VPS36: variants seen among roughly 807,000 people sequenced by gnomAD.
The protein encoded by VPS36 is vacuolar protein-sorting-associated protein 36.
Under a neutral mutation model 63.5 loss-of-function variants are expected in VPS36, and 31 were observed. That is an observed-to-expected ratio of 0.49 (90% CI 0.37 to 0.66). VPS36 has a LOEUF of 0.66. Ranked by LOEUF, VPS36 falls within the 30% of genes least tolerant of loss-of-function variation. The probability of loss-of-function intolerance (pLI) is 0.00; values close to 1 mark genes in which losing one functional copy is unlikely to be tolerated. For missense variants in VPS36, 338 were observed against 463.7 expected (o/e 0.73, Z 2.49); for synonymous variants, 138 against 157.2 (o/e 0.88, Z 0.91).
intron 6 of VPS36, among the ~76,000 whole-genome samples, chr13:52,432,293 G>A (rs1472363410): frequency 4.6e-5 from 7 of 152,084 alleles, no homozygotes; most frequent in Non-Finnish European, 7.4e-5. Flanking sequence ...AGAGCTTGCA[G>A]TGAGCCAGGA....
intron 1 of VPS36, among the ~76,000 whole-genome samples, chr13:52,447,947 C>T (rs916628872): frequency 6.6e-6 from 1 of 152,250 alleles, no homozygotes; most frequent in South Asian, 2.1e-4. Flanking sequence ...GTCACTGTAT[C>T]TCTTGGCGTT....
chr13:52,434,917 G>C (rs779459855), intron 4 of VPS36, 35 bp from the exon 5 acceptor site: 1 of 1,528,960 alleles, frequency 6.5e-7, no homozygotes, highest in South Asian at 1.2e-5. Flanking sequence ...AAATGACTCA[G>C]TCAGATTGTA....
At chr13:52,430,764 T>C (rs1678983626) in intron 6 of VPS36, among the ~76,000 whole-genome samples, 1 of 152,078 alleles carries the variant, frequency 6.6e-6, no homozygotes, top group Non-Finnish European at 1.5e-5. Context: ...AGACACATTC[T>C]AGTAAAATTA....
intron 5 of VPS36, 32 bp from the exon 6 acceptor site, chr13:52,433,780 T>C: frequency 2.6e-6 from 4 of 1,566,296 alleles, no homozygotes; most frequent in East Asian, 2.2e-5. Flanking sequence ...AAATAAAACA[T>C]ACAAAATAGG....
intron 1 of VPS36, among the ~76,000 whole-genome samples, chr13:52,444,836 A>AT (rs1356758038): frequency 6.6e-6 from 1 of 152,072 alleles, no homozygotes; most frequent in Non-Finnish European, 1.5e-5. Flanking sequence ...TGTCTAATAA[A>AT]TAAAAAAATC....
intron 3 of VPS36, 33 bp from the exon 4 acceptor site, chr13:52,436,437 G>A: frequency 7.1e-7 from 1 of 1,410,462 alleles, no homozygotes; most frequent in Non-Finnish European, 9.8e-7. Context: ...ATATTGAATT[G>A]TCTTTCAAAA....
Position 52,427,735 on chromosome 13 carries a change from T to G in VPS36, c.529-516A>C, listed in dbSNP as rs183595924. On this transcript the variant is annotated intron_variant, in intron 6 of 13. Coordinates refer to ENST00000378060, the MANE Select transcript of VPS36 (RefSeq NM_016075.4). Reference sequence around the variant, plus strand: ...AAAACCATACATTTTCCAAACAAACTGCAAAAGAACTTCACATTTTCAAAG... The same window carrying G: ...AAAACCATACATTTTCCAAACAAACGGCAAAAGAACTTCACATTTTCAAAG... Among the ~76,000 whole-genome samples, 885 of 152,226 alleles carry G rather than the reference T, an allele frequency of 5.8e-3. 11 individuals carry two copies. Among genetic ancestry groups the G allele is most frequent in the African/African-American group, 0.02 (845 of 41,552 alleles).
chr13:52,448,282 T>A (rs1436693112), intron 1 of VPS36, among the ~76,000 whole-genome samples: 1 of 152,172 alleles, frequency 6.6e-6, no homozygotes, highest in South Asian at 2.1e-4. Context: ...TTTCACCAGA[T>A]TTGGGGGCTA....
chr13:52,441,553 C>A (rs1043947194), intron 2 of VPS36, among the ~76,000 whole-genome samples: 2 of 152,132 alleles, frequency 1.3e-5, no homozygotes, highest in Non-Finnish European at 2.9e-5. Flanking sequence ...GAGTTAGAGA[C>A]CAGCCTGAAC....
At chr13:52,441,791 A>G (rs556545082) in intron 2 of VPS36, among the ~76,000 whole-genome samples, 1 of 152,142 alleles carries the variant, frequency 6.6e-6, no homozygotes, top group Non-Finnish European at 1.5e-5. Flanking sequence ...CCTCTTGCTG[A>G]GTGACTTAGA....
At position 52,426,063 on chromosome 13, in the gene VPS36, T is replaced by C; in HGVS notation, c.643A>G (p.Ile215Val). 1.2e-6 allele frequency: 2 copies of C among 1,607,772 alleles called. No individual in the cohort carries two copies. The highest frequency in any genetic ancestry group is 1.7e-6 in the Non-Finnish European group (2 of 1,178,514). The change falls in exon 9 of 14, where the codon ATC (isoleucine) becomes GTC (valine). Residue 215 changes from isoleucine to valine, a missense_variant. Ile to Val is a conservative substitution (Grantham distance 29, BLOSUM62 3). Coordinates refer to ENST00000378060, the MANE Select transcript of VPS36 (RefSeq NM_016075.4). The stretch of plus-strand genomic sequence containing the variant: ...CTCAGCAAGTAGGATTTAAACCTGA[T>C]GGTCTATAATAAAAAAGGAGAAAAT... ...KQGDITEDET[I>V]RFKSYLLSMG... is the part of the protein sequence containing the mutation.
Position 52,425,955 on chromosome 13 carries a change from C to T in VPS36, c.751G>A (p.Gly251Arg). The T allele has an allele frequency of 6.2e-7, 1 of 1,613,336 alleles. No homozygotes were observed. Among genetic ancestry groups the T allele is most frequent in the Non-Finnish European group, 8.5e-7 (1 of 1,179,676 alleles). ...YHMQLAKQLA[G>R]ILQVPLEERG... is the part of the protein sequence containing the mutation. ...ACCTCTAAAGGCACCTGCAATATTCCAGCCAGTTGTTTGGCCAGCTGCATG... is the reference window on the plus strand; with the variant it reads ...ACCTCTAAAGGCACCTGCAATATTCTAGCCAGTTGTTTGGCCAGCTGCATG... Residue 251 changes from glycine to arginine, a missense_variant, in exon 9 of 14, where the codon GGA becomes AGA. Gly to Arg is a moderately radical substitution (Grantham distance 125). Transcript: ENST00000378060.
intron 6 of VPS36, among the ~76,000 whole-genome samples, chr13:52,428,146 A>G (rs2137786257): frequency 6.6e-6 from 1 of 152,324 alleles, no homozygotes; most frequent in Non-Finnish European, 1.5e-5. Context: ...AAATGTATCT[A>G]CATAGAATCA....
chr13:52,430,909 A>T (rs1295251943), intron 6 of VPS36, among the ~76,000 whole-genome samples: 1 of 152,088 alleles, frequency 6.6e-6, no homozygotes, highest in East Asian at 1.9e-4. Context: ...AAAAAGAAAG[A>T]AAGTAATATA....
chr13:52,440,568 C>T (rs1188944089), intron 2 of VPS36, among the ~76,000 whole-genome samples: 2 of 152,236 alleles, frequency 1.3e-5, no homozygotes. Context: ...GCTGGGATTA[C>T]AGGCATGAGC....
rs1958109060 is a variant in VPS36, at chr13:52,427,029, T to C, written c.599A>G (p.Asn200Ser). The stretch of plus-strand genomic sequence containing the variant: ...GTCACCTTGTTTGTCTTTAATTTTA[T>C]TAGCAATTGATTTTGATAATTCCAC... ...EMVELSKSIA[N>S]KIKDKQGDIT... The change falls in exon 8 of 14, where the codon AAT (asparagine) becomes AGT (serine). Residue 200 changes from asparagine to serine, a missense_variant. Coordinates refer to ENST00000378060, the MANE Select transcript of VPS36 (RefSeq NM_016075.4). 1.4e-5 allele frequency: 22 copies of C among 1,613,096 alleles called. No homozygotes were observed. The highest frequency in any genetic ancestry group is 1.8e-5 in the Non-Finnish European group (21 of 1,179,696).
At chr13:52,437,319 G>A (rs1302617670) in intron 3 of VPS36, among the ~76,000 whole-genome samples, 1 of 152,272 alleles carries the variant, frequency 6.6e-6, no homozygotes, top group East Asian at 1.9e-4. Flanking sequence ...CTATTCCCTT[G>A]TGGTAAACTT....
intron 1 of VPS36, among the ~76,000 whole-genome samples, chr13:52,442,959 T>C (rs1002479230): frequency 3.9e-5 from 6 of 152,218 alleles, no homozygotes; most frequent in African/African-American, 1.4e-4. Context: ...TTTACCCTGA[T>C]TGAATTTCTT....
At chr13:52,439,794 T>C (rs1239572500) in intron 2 of VPS36, among the ~76,000 whole-genome samples, 1 of 152,152 alleles carries the variant, frequency 6.6e-6, no homozygotes, top group African/African-American at 2.4e-5. Flanking sequence ...AACATTTTAC[T>C]CGTAATATTT....
Sources: gnomAD v4.1 joint callset for allele counts (sites outside exome capture counted in the v4.1 genomes callset) on GRCh38, gnomAD v4.1.1 for gene constraint, MANE v1.5 for transcripts, NCBI Gene and HGNC (gene_info 2026-07-23, HGNC 2026-07-21) for gene names.